The following PLCB4 variants were observed in gnomAD, a reference collection of about 807,000 sequenced individuals.
PLCB4 encodes the protein 1-phosphatidylinositol 4,5-bisphosphate phosphodiesterase beta-4.
A neutral mutation model predicts 178.8 loss-of-function variants in PLCB4; 77 were observed. That is an observed-to-expected ratio of 0.43 (90% CI 0.36 to 0.52). The LOEUF (loss-of-function observed/expected upper bound fraction) is 0.52. Among genes scored for constraint, PLCB4 ranks in the 20% least tolerant of loss-of-function variants. The probability of loss-of-function intolerance (pLI) is 0.00; values close to 1 mark genes in which losing one functional copy is unlikely to be tolerated. For synonymous variants in PLCB4, 496 were observed against 490.8 expected, an observed-to-expected ratio of 1.01 and a Z score of -0.14; for missense variants, 1,024 against 1,453.4, an observed-to-expected ratio of 0.70 and a Z score of 4.80.
chr20:9,469,182 T>C (rs749906918), intron 36 of PLCB4, among the ~76,000 whole-genome samples: 11 of 152,150 alleles, frequency 7.2e-5, no homozygotes, highest in Non-Finnish European at 1.0e-4. Context: ...GGTTTCACCA[T>C]GTTGGCCACA....
chr20:9,152,052 T>A (rs1568845964), intron 2 of PLCB4, among the ~76,000 whole-genome samples: 1 of 152,150 alleles, frequency 6.6e-6, no homozygotes, highest in Non-Finnish European at 1.5e-5. Flanking sequence ...TTGAGAGAGA[T>A]AATATACGGT....
intron 2 of PLCB4, among the ~76,000 whole-genome samples, chr20:9,124,410 T>C (rs190775619): frequency 2.6e-5 from 4 of 152,200 alleles, no homozygotes; most frequent in African/African-American, 9.6e-5. Context: ...GATGGGAGGA[T>C]CCCTTGAGCC....
intron 4 of PLCB4, among the ~76,000 whole-genome samples, chr20:9,310,025 A>T (rs938721114): frequency 6.6e-5 from 10 of 152,256 alleles, no homozygotes; most frequent in Admixed American, 1.3e-4. Context: ...TTTTAACTTT[A>T]TAAAGCAAAC....
At chr20:9,249,589 G>GCC (rs993473604) in intron 3 of PLCB4, among the ~76,000 whole-genome samples, 1 of 152,166 alleles carries the variant, frequency 6.6e-6, no homozygotes, top group Non-Finnish European at 1.5e-5. Flanking sequence ...ACAGGCATGA[G>GCC]CCACCATGCC....
intron 3 of PLCB4, among the ~76,000 whole-genome samples, chr20:9,303,431 G>A (rs2094728253): frequency 6.6e-6 from 1 of 152,122 alleles, no homozygotes; most frequent in East Asian, 1.9e-4. Context: ...GTGAGCACAT[G>A]GATATTTGTC....
At chr20:9,319,837 G>A (rs1168851297) in intron 4 of PLCB4, among the ~76,000 whole-genome samples, 1 of 152,132 alleles carries the variant, frequency 6.6e-6, no homozygotes, top group Non-Finnish European at 1.5e-5. Flanking sequence ...TATTTCATCA[G>A]CCATCAGCCT....
chr20:9,408,263 C>CTT (rs2039594894), intron 22 of PLCB4, among the ~76,000 whole-genome samples: 1 of 152,096 alleles, frequency 6.6e-6, no homozygotes, highest in African/African-American at 2.4e-5. Flanking sequence ...CACAAGGTGG[C>CTT]GATGAGAGAC....
At chr20:9,149,719 C>G (rs1009900112) in intron 2 of PLCB4, among the ~76,000 whole-genome samples, 1 of 151,484 alleles carries the variant, frequency 6.6e-6, no homozygotes. Context: ...CTGAGACTGA[C>G]TTTTTAATCT....
intron 32 of PLCB4, among the ~76,000 whole-genome samples, chr20:9,447,537 T>C (rs971028926): frequency 9.9e-5 from 15 of 152,198 alleles, no homozygotes; most frequent in Non-Finnish European, 2.1e-4. Flanking sequence ...CACTTCCACC[T>C]CATTTTTTGG....
At chr20:9,373,836 TCA>T (rs1395434973) in intron 12 of PLCB4, among the ~76,000 whole-genome samples, 1 of 152,216 alleles carries the variant, frequency 6.6e-6, no homozygotes, top group East Asian at 1.9e-4. Context: ...ACTTTTTTCT[TCA>T]CACATACAAA....
chr20:9,149,131 T>A (rs1455388044), intron 2 of PLCB4, among the ~76,000 whole-genome samples: 1 of 152,194 alleles, frequency 6.6e-6, no homozygotes, highest in Non-Finnish European at 1.5e-5. Flanking sequence ...TGCCTTTCTC[T>A]GCCTCTCTGC....
chr20:9,341,211 C>T (rs145154573), intron 7 of PLCB4, among the ~76,000 whole-genome samples: 8 of 152,234 alleles, frequency 5.3e-5, no homozygotes, highest in African/African-American at 1.7e-4. Flanking sequence ...CTAAGAACCA[C>T]GTTCTGAAAC....
At chr20:9,086,534 A>G (rs2146542883) in intron 1 of PLCB4, among the ~76,000 whole-genome samples, 1 of 152,232 alleles carries the variant, frequency 6.6e-6, no homozygotes, top group Admixed American at 6.5e-5. Context: ...TTCTACAGAA[A>G]AAGAAACTGA....
chr20:9,162,991 C>A (rs976616869), intron 2 of PLCB4, among the ~76,000 whole-genome samples: 8 of 151,934 alleles, frequency 5.3e-5, no homozygotes, highest in African/African-American at 1.2e-4. Context: ...CTTACCATGG[C>A]CAATTTTAAG....
intron 35 of PLCB4, among the ~76,000 whole-genome samples, chr20:9,463,716 A>G (rs2043567070): frequency 6.6e-6 from 1 of 152,154 alleles, no homozygotes; most frequent in Admixed American, 6.5e-5. Context: ...GATCAATTCA[A>G]CAAGAAGAGT....
intron 2 of PLCB4, among the ~76,000 whole-genome samples, chr20:9,141,892 G>T (rs2092500260): frequency 6.6e-6 from 1 of 152,074 alleles, no homozygotes; most frequent in African/African-American, 2.4e-5. Context: ...ATTCTAGGCT[G>T]TGAAAGCCCC....
intron 19 of PLCB4, among the ~76,000 whole-genome samples, chr20:9,397,814 C>T (rs973205738): frequency 1.3e-5 from 2 of 152,218 alleles, no homozygotes; most frequent in African/African-American, 4.8e-5. Flanking sequence ...TGCAATAAAC[C>T]ATCCCCAAAT....
intron 2 of PLCB4, among the ~76,000 whole-genome samples, chr20:9,097,893 G>A (rs1293066605): frequency 6.6e-6 from 1 of 152,172 alleles, no homozygotes; most frequent in Non-Finnish European, 1.5e-5. Context: ...TGGAAATAGA[G>A]GAGTTGAAGC....
rs527648914 is a variant in PLCB4 at position 9,140,127 on chromosome 20, C to T, written c.-79+43785C>T. 1.1e-4 allele frequency among the ~76,000 whole-genome samples: 17 copies of T among 152,156 alleles called. No individual in the cohort carries two copies. The South Asian group carries it at 3.5e-3, about 32-fold the overall frequency. Reference sequence around the variant, plus strand: ...TAAGTTTGTCTAATATGCGTCTTTCCTTTCTGCTCTGTGTCCCTGAGACAA... The same window carrying T: ...TAAGTTTGTCTAATATGCGTCTTTCTTTTCTGCTCTGTGTCCCTGAGACAA... On this transcript the variant is annotated intron_variant, in intron 2 of 39. Coordinates refer to ENST00000378473, the MANE Select transcript of PLCB4 (RefSeq NM_001377142.1).
Sources: allele counts gnomAD v4.1 joint callset (sites outside exome capture counted in the v4.1 genomes callset), GRCh38; gene constraint gnomAD v4.1.1; transcripts MANE v1.5; gene names NCBI Gene and HGNC (gene_info 2026-07-23, HGNC 2026-07-21).